Variants in ADCY5 observed in about 807,000 individuals in gnomAD.
ADCY5 encodes the protein adenylate cyclase type 5.
A neutral mutation model predicts 119.7 loss-of-function variants in ADCY5; 30 were observed. The ratio of observed to expected loss-of-function variants is 0.25; its 90% CI spans 0.19 to 0.34. ADCY5 has a LOEUF of 0.34. Among genes scored for constraint, ADCY5 ranks in the 10% least tolerant of loss-of-function variants. The probability of loss-of-function intolerance (pLI) is 1.00; values close to 1 mark genes in which losing one functional copy is unlikely to be tolerated. For synonymous variants in ADCY5, 753 were observed against 762.2 expected, an observed-to-expected ratio of 0.99 and a Z score of 0.20; for missense variants, 1,324 against 1,775.2, an observed-to-expected ratio of 0.75 and a Z score of 4.57.
At chr3:123,429,108 G>A (rs754494960) in intron 1 of ADCY5, among the ~76,000 whole-genome samples, 49 of 152,200 alleles carry the variant, frequency 3.2e-4, no homozygotes, top group Non-Finnish European at 3.5e-4. Flanking sequence ...GACACTCTGC[G>A]TGTCATAAAT....
chr3:123,326,065 T>G (rs1231002260), intron 7 of ADCY5, among the ~76,000 whole-genome samples: 1 of 152,168 alleles, frequency 6.6e-6, no homozygotes, highest in Non-Finnish European at 1.5e-5. Context: ...TGATCTGAAG[T>G]TGCCCAGGGG....
At chr3:123,383,030 C>G (rs1323786187) in intron 1 of ADCY5, among the ~76,000 whole-genome samples, 2 of 152,178 alleles carry the variant, frequency 1.3e-5, no homozygotes, top group Non-Finnish European at 1.5e-5. Flanking sequence ...CACCAGCCAT[C>G]CTCAGCCTCC....
intron 1 of ADCY5, among the ~76,000 whole-genome samples, chr3:123,361,385 T>C (rs1185692495): frequency 1.3e-5 from 2 of 152,332 alleles, no homozygotes; most frequent in East Asian, 3.9e-4. Flanking sequence ...CAGTAGCGTT[T>C]AGTGTATTCA....
At chr3:123,323,234 A>G (rs1158893055) in intron 8 of ADCY5, among the ~76,000 whole-genome samples, 1 of 151,804 alleles carries the variant, frequency 6.6e-6, no homozygotes, top group East Asian at 1.9e-4. Context: ...AACGCTGTGG[A>G]GGAGACTTCC....
chr3:123,314,542 G>C (rs948533701), intron 11 of ADCY5, among the ~76,000 whole-genome samples: 4 of 152,212 alleles, frequency 2.6e-5, no homozygotes, highest in African/African-American at 9.6e-5. Flanking sequence ...GGGCTTACAC[G>C]GCCTTGCAGG....
At chr3:123,332,475 T>C (rs1941810032) in intron 4 of ADCY5, 89 bp downstream of exon 4, 2 of 956,796 alleles carry the variant, frequency 2.1e-6, no homozygotes, top group Admixed American at 2.0e-5. Flanking sequence ...CACATGCCCA[T>C]CCCTGGGGTT....
At chr3:123,325,538 A>G (rs1010951406) in intron 7 of ADCY5, 76 bp from the exon 8 acceptor site, 9 of 1,584,898 alleles carry the variant, frequency 5.7e-6, no homozygotes, top group Non-Finnish European at 7.8e-6. Context: ...CAAACATCGT[A>G]CCTGGCCAGG....
chr3:123,419,077 C>G (rs1420921484), intron 1 of ADCY5: 1 of 900,476 alleles, frequency 1.1e-6, no homozygotes, highest in Admixed American at 6.2e-5. Context: ...CAATCCCCCA[C>G]AGTAAATCTT....
chr3:123,378,756 T>C (rs1943928126), intron 1 of ADCY5, among the ~76,000 whole-genome samples: 1 of 152,204 alleles, frequency 6.6e-6, no homozygotes, highest in Non-Finnish European at 1.5e-5. Context: ...TGGATGCAGG[T>C]CCTGTCCCCA....
rs1945882079 is a variant in ADCY5, at chr3:123,448,975, C to A, written c.-430G>T. On this transcript the variant is annotated 5_prime_UTR_variant, in exon 1 of 21. Transcript: ENST00000462833. ...GCCCGGGCGCGGCGCTCGCTGATTC[C>A]GCCTAAGCGGAGCCCAGCTGCTCTC... 1 of 162,724 alleles carries A rather than the reference C, an allele frequency of 6.1e-6. No homozygotes were observed. The highest frequency in any genetic ancestry group is 1.9e-4 in the South Asian group (1 of 5,224). 10.1% of individuals were successfully genotyped at this position (162,724 alleles called of 1,614,324 possible). A position where few individuals can be genotyped will look rare whatever the true frequency, so the allele number is the denominator to read the frequency against.
chr3:123,337,558 C>T (rs544657517), intron 3 of ADCY5, among the ~76,000 whole-genome samples: 42 of 152,354 alleles, frequency 2.8e-4, no homozygotes, highest in African/African-American at 8.4e-4. Context: ...TGGAGGCAGC[C>T]GCCATTCCTG....
chr3:123,322,079 C>T (rs978621069), intron 8 of ADCY5, among the ~76,000 whole-genome samples: 2 of 152,228 alleles, frequency 1.3e-5, no homozygotes, highest in Non-Finnish European at 2.9e-5. Context: ...AGATGTCACT[C>T]AAGTGAGCTC....
chr3:123,358,247 G>C (rs973329342), intron 1 of ADCY5, among the ~76,000 whole-genome samples: 1 of 149,748 alleles, frequency 6.7e-6, no homozygotes, highest in African/African-American at 2.5e-5. Context: ...AGTACACCAA[G>C]TGGAGTGAAA....
intron 1 of ADCY5, among the ~76,000 whole-genome samples, chr3:123,398,053 C>T (rs948573132): frequency 6.6e-6 from 1 of 152,184 alleles, no homozygotes; most frequent in African/African-American, 2.4e-5. Flanking sequence ...GGGGTTCAGG[C>T]ACCCCTTTGT....
intron 1 of ADCY5, among the ~76,000 whole-genome samples, chr3:123,446,960 G>A (rs1449691605): frequency 4.6e-5 from 7 of 152,172 alleles, no homozygotes; most frequent in East Asian, 1.9e-4. Context: ...TGAGCAAGGG[G>A]TGCAGGGTGT....
rs531230351 is a variant in ADCY5, at chr3:123,384,811, C to T, written c.1135-32230G>A. 1.6e-3 allele frequency among the ~76,000 whole-genome samples: 247 copies of T among 152,298 alleles called. 1 individual carries two copies. In the South Asian group the frequency reaches 0.019, roughly 12 times the overall value. Reference sequence around the variant, plus strand: ...AAGCATGAAGAGGCCACTAGTACCACTCTGATTTCCTTGTTATTCCTGGAG... The same window carrying T: ...AAGCATGAAGAGGCCACTAGTACCATTCTGATTTCCTTGTTATTCCTGGAG... On this transcript the variant is annotated intron_variant, in intron 1 of 20. Coordinates refer to ENST00000462833, the MANE Select transcript of ADCY5 (RefSeq NM_183357.3).
chr3:123,286,978 C>A lies in ADCY5; in HGVS notation c.3533-169G>T, dbSNP rs907381591. 1 of 892,700 alleles carries A rather than the reference C, an allele frequency of 1.1e-6. No homozygotes were observed. The highest frequency in any genetic ancestry group is 3.4e-5 in the Admixed American group (1 of 29,330). 55.3% of individuals were successfully genotyped at this position (892,700 alleles called of 1,614,324 possible). A position where few individuals can be genotyped will look rare whatever the true frequency, so the allele number is the denominator to read the frequency against. Reference sequence around the variant, plus strand: ...CAGCCTCCCGCTACCCTGCTCCTGTCAAATGCCTGTGAATGCAAGACACAA... The same window carrying A: ...CAGCCTCCCGCTACCCTGCTCCTGTAAAATGCCTGTGAATGCAAGACACAA... On this transcript the variant is annotated intron_variant, in intron 19 of 20. Transcript: ENST00000462833. This position sits in a 1 kb window ranked among gnomAD's most constrained non-coding sequence, Gnocchi z 4.2.
rs1055493305 is a variant in ADCY5 at position 123,345,283 on chromosome 3, C to G, written c.1406+2499G>C. Among the ~76,000 whole-genome samples the G allele has an allele frequency of 3.3e-5, 5 of 152,212 alleles. No homozygotes were observed. In the East Asian group the frequency reaches 7.7e-4, roughly 23 times the overall value. ...TGGTGAGAGAGGGCAAGAACTGGGC[C>G]GAGGCGCAGGGGTGGCCGGTGAGCC... On this transcript the variant is annotated intron_variant, in intron 3 of 20. Transcript: ENST00000462833.
At chr3:123,318,320 G>A (rs546763738) in intron 10 of ADCY5, among the ~76,000 whole-genome samples, 71 of 152,234 alleles carry the variant, frequency 4.7e-4, no homozygotes, top group African/African-American at 1.5e-3. Context: ...TGCCTATGGA[G>A]AGGGCAGTTG....
Sources: gnomAD v4.1 joint callset for allele counts (sites outside exome capture counted in the v4.1 genomes callset) on GRCh38, gnomAD v4.1.1 for gene constraint, Gnocchi (gnomAD v3.1) non-coding constraint, MANE v1.5 for transcripts, NCBI Gene and HGNC (gene_info 2026-07-23, HGNC 2026-07-21) for gene names.